The following DPP10 variants were observed in gnomAD, a reference collection of about 807,000 sequenced individuals.
The protein encoded by DPP10 is inactive dipeptidyl peptidase 10.
In DPP10, 33 loss-of-function variants were observed where a neutral mutation model predicts 120.9. The observed-to-expected ratio is 0.27, with a 90% confidence interval of 0.21 to 0.37. The LOEUF is 0.37. Among genes scored for constraint, DPP10 ranks in the 10% least tolerant of loss-of-function variants. The pLI is 1.00. For synonymous variants in DPP10, 337 were observed against 326.1 expected, an observed-to-expected ratio of 1.03 and a Z score of -0.36; for missense variants, 816 against 942.8, an observed-to-expected ratio of 0.87 and a Z score of 1.76.
chr2:114,802,164 A>G (rs944007773), intron 1 of DPP10, among the ~76,000 whole-genome samples: 2 of 152,322 alleles, frequency 1.3e-5, no homozygotes, highest in East Asian at 1.9e-4. Flanking sequence ...TAAATTATCT[A>G]GTGGCCAATA....
intron 2 of DPP10, among the ~76,000 whole-genome samples, chr2:115,329,713 T>A: frequency 6.6e-6 from 1 of 152,178 alleles, no homozygotes; most frequent in East Asian, 1.9e-4. Flanking sequence ...TGCGACAGTT[T>A]GCTGAGAATG....
chr2:115,484,079 T>G (rs1168968761), intron 3 of DPP10, among the ~76,000 whole-genome samples: 2 of 151,964 alleles, frequency 1.3e-5, no homozygotes, highest in Admixed American at 6.6e-5. Context: ...TGCTCAGAAT[T>G]TTAACAATTA....
Position 115,735,730 on chromosome 2 carries a change from G to A in DPP10, c.698-4009G>A, listed in dbSNP as rs533518363. 4.6e-4 allele frequency among the ~76,000 whole-genome samples: 57 copies of A among 123,810 alleles called. No individual in the cohort carries two copies. The South Asian group carries it at 6.6e-3, about 14-fold the overall frequency. The allele number at this position is 123,810 out of a possible 152,430, so 81.2% of individuals were successfully genotyped here. A position where few individuals can be genotyped will look rare whatever the true frequency, so the allele number is the denominator to read the frequency against. Reference sequence around the variant, plus strand: ...TTTTTTTTAGTAGAGATGCGGTTTCGCTATGTTGGCCAGGCTGGTCTCTAA... The same window carrying A: ...TTTTTTTTAGTAGAGATGCGGTTTCACTATGTTGGCCAGGCTGGTCTCTAA... On this transcript the variant is annotated intron_variant, in intron 8 of 25. Coordinates refer to ENST00000410059, the MANE Select transcript of DPP10 (RefSeq NM_020868.6).
chr2:114,643,937 T>TATA (rs1558960942), intron 1 of DPP10, among the ~76,000 whole-genome samples: 4 of 109,070 alleles, frequency 3.7e-5, no homozygotes, highest in African/African-American at 1.5e-4. Context: ...ATATATATAT[T>TATA]TTTTTTTTTT....
intron 1 of DPP10, among the ~76,000 whole-genome samples, chr2:115,015,482 T>A (rs1433191337): frequency 6.6e-6 from 1 of 152,118 alleles, no homozygotes; most frequent in Non-Finnish European, 1.5e-5. Flanking sequence ...TTCAACATAG[T>A]ACTGGAAGTT....
intron 1 of DPP10, among the ~76,000 whole-genome samples, chr2:114,758,732 T>C (rs1680015016): frequency 6.6e-6 from 1 of 152,188 alleles, no homozygotes; most frequent in Non-Finnish European, 1.5e-5. Context: ...AAATGAATTA[T>C]TTTACAGCAA....
chr2:115,635,475 T>C (rs2086251796), intron 5 of DPP10, among the ~76,000 whole-genome samples: 1 of 152,192 alleles, frequency 6.6e-6, no homozygotes, highest in Non-Finnish European at 1.5e-5. Context: ...CTAGGTGGGC[T>C]GTGGCACCAC....
intron 1 of DPP10, among the ~76,000 whole-genome samples, chr2:114,657,446 A>G (rs1276096802): frequency 1.3e-5 from 2 of 152,262 alleles, no homozygotes; most frequent in Non-Finnish European, 2.9e-5. Context: ...TATTATTTCA[A>G]TTTTTCATTC....
chr2:114,523,443 T>A (rs1416918057), intron 1 of DPP10, among the ~76,000 whole-genome samples: 1 of 152,180 alleles, frequency 6.6e-6, no homozygotes, highest in African/African-American at 2.4e-5. Context: ...TGAAAGCGAA[T>A]CTTGGCAGTT....
chr2:115,058,529 C>A (rs893679845), intron 1 of DPP10, among the ~76,000 whole-genome samples: 3 of 152,022 alleles, frequency 2.0e-5, no homozygotes, highest in Non-Finnish European at 4.4e-5. Context: ...CCTCCTGAGT[C>A]GCTGGGATTA....
intron 1 of DPP10, among the ~76,000 whole-genome samples, chr2:114,832,774 T>G (rs1488868534): frequency 6.6e-6 from 1 of 152,080 alleles, no homozygotes; most frequent in Non-Finnish European, 1.5e-5. Flanking sequence ...GATAGTAATA[T>G]AAAGGAGTTC....
intron 2 of DPP10, among the ~76,000 whole-genome samples, chr2:115,336,243 C>T (rs961546167): frequency 6.6e-6 from 1 of 151,930 alleles, no homozygotes; most frequent in African/African-American, 2.4e-5. Context: ...ATACCCATAG[C>T]AGTCTATGAT....
intron 1 of DPP10, among the ~76,000 whole-genome samples, chr2:114,519,844 G>A (rs990488532): frequency 1.3e-5 from 2 of 152,202 alleles, no homozygotes; most frequent in African/African-American, 4.8e-5. Flanking sequence ...TGAATGAGTT[G>A]TTTTAGAAGT....
At chr2:115,254,819 C>T (rs1353287389) in intron 1 of DPP10, among the ~76,000 whole-genome samples, 1 of 152,224 alleles carries the variant, frequency 6.6e-6, no homozygotes, top group Non-Finnish European at 1.5e-5. Flanking sequence ...AGATCCAGGT[C>T]ACCCTGATGC....
chr2:115,642,982 TGATA>T (rs1222134134), intron 5 of DPP10, among the ~76,000 whole-genome samples: 1 of 152,172 alleles, frequency 6.6e-6, no homozygotes, highest in Non-Finnish European at 1.5e-5. Flanking sequence ...CTATCATTTC[TGATA>T]GATTACTTCT....
intron 3 of DPP10, 46 bp from the exon 4 acceptor site, chr2:115,499,464 A>T: frequency 2.0e-6 from 3 of 1,470,518 alleles, no homozygotes; most frequent in Non-Finnish European, 2.8e-6. Flanking sequence ...TTACTATATT[A>T]TCTAGTCAAT....
chr2:115,229,263 A>G (rs1421281150), intron 1 of DPP10, among the ~76,000 whole-genome samples: 1 of 151,972 alleles, frequency 6.6e-6, no homozygotes, highest in African/African-American at 2.4e-5. Flanking sequence ...TCCTTATGTA[A>G]TCTGGTTATT....
chr2:115,139,197 C>CT (rs2050794412), intron 1 of DPP10, among the ~76,000 whole-genome samples: 1 of 151,988 alleles, frequency 6.6e-6, no homozygotes, highest in African/African-American at 2.4e-5. Context: ...AAATAATAAT[C>CT]TTATTTTATT....
At chr2:115,206,682 G>C (rs573937070) in intron 1 of DPP10, among the ~76,000 whole-genome samples, 1 of 152,086 alleles carries the variant, frequency 6.6e-6, no homozygotes, top group African/African-American at 2.4e-5. Flanking sequence ...GCAGGGGATG[G>C]GTTGTGGGCA....
Sources: gnomAD v4.1 joint callset for allele counts (sites outside exome capture counted in the v4.1 genomes callset) on GRCh38, gnomAD v4.1.1 for gene constraint, MANE v1.5 for transcripts, NCBI Gene and HGNC (gene_info 2026-07-23, HGNC 2026-07-21) for gene names.